The following PRKACB variants were observed in gnomAD, a reference collection of about 807,000 sequenced individuals.
PRKACB encodes the protein protein kinase cAMP-activated catalytic subunit beta.
Under a neutral mutation model 51.4 loss-of-function variants are expected in PRKACB, and 16 were observed. The observed-to-expected ratio is 0.31, with a 90% CI of 0.21 to 0.47. PRKACB has a LOEUF of 0.47. PRKACB is among the 20% of genes least tolerant of loss of function. The probability of loss-of-function intolerance (pLI) is 1.00; values close to 1 mark genes in which losing one functional copy is unlikely to be tolerated. For synonymous variants in PRKACB, 147 were observed against 154.4 expected, an observed-to-expected ratio of 0.95 and a Z score of 0.35; for missense variants, 309 against 464.5, an observed-to-expected ratio of 0.67 and a Z score of 3.08.
In PRKACB at chr1:84,214,222, A is replaced by C; in HGVS notation, c.976A>C (p.Thr326Pro). Residue 326 changes from threonine (T) to proline (P), a missense_variant, in exon 9 of 10, where the codon ACC becomes CCC. Around this residue, in one of 3 missense-constraint regions of PRKACB, gnomAD observed 96 missense variants for 129.9 expected, o/e 0.74. Transcript: ENST00000370685. ...LLRNLLQVDL[T>P]KRFGNLKNGV... The stretch of plus-strand genomic sequence containing the variant: ...ACGGAACCTGCTGCAGGTGGATTTG[A>C]CCAAGAGATTTGGAAATCTAAAGAA... The C allele has an allele frequency of 6.2e-7, 1 of 1,613,604 alleles. No individual in the cohort carries two copies. Among genetic ancestry groups the C allele is most frequent in the Non-Finnish European group, 8.5e-7 (1 of 1,179,762 alleles).
At chr1:84,115,079 A>T (rs1485284721) in intron 1 of PRKACB, among the ~76,000 whole-genome samples, 2 of 152,140 alleles carry the variant, frequency 1.3e-5, no homozygotes, top group Non-Finnish European at 2.9e-5. Context: ...ATCATATGAT[A>T]GTTCTGATTT....
At chr1:84,225,751 T>A (rs1415152813) in intron 9 of PRKACB, among the ~76,000 whole-genome samples, 4 of 151,934 alleles carry the variant, frequency 2.6e-5, no homozygotes, top group African/African-American at 9.7e-5. Context: ...ATTGCAAGAG[T>A]CTGTGGTGGA....
At chr1:84,167,005 A>G (rs866047056) in intron 1 of PRKACB, among the ~76,000 whole-genome samples, 11 of 151,716 alleles carry the variant, frequency 7.3e-5, no homozygotes, top group Middle Eastern at 3.4e-3. Context: ...CAGGAAGTGA[A>G]AACAGAAACC....
chr1:84,174,182 T>C (rs1018153935), intron 1 of PRKACB, among the ~76,000 whole-genome samples: 3 of 151,828 alleles, frequency 2.0e-5, no homozygotes, highest in African/African-American at 7.3e-5. Flanking sequence ...ATGTTTTACA[T>C]GTCCCCGATG....
At chr1:84,128,312 A>G (rs1651834041) in intron 1 of PRKACB, among the ~76,000 whole-genome samples, 1 of 152,126 alleles carries the variant, frequency 6.6e-6, no homozygotes, top group Non-Finnish European at 1.5e-5. Flanking sequence ...ACAGTATAGG[A>G]CACATAGAAC....
rs141524812 is a variant in PRKACB at position 84,090,420 on chromosome 1, GACA to G, written c.46+12053_46+12055del. Among the ~76,000 whole-genome samples the G allele has an allele frequency of 4.6e-3, 694 of 152,258 alleles. 5 individuals carry two copies. Among genetic ancestry groups the G allele is most frequent in the African/African-American group, 0.016 (663 of 41,512 alleles). On this transcript the variant is annotated intron_variant, in intron 1 of 8. Transcript: ENST00000370688. Reference sequence around the variant, plus strand: ...TCCTAAATTTAGCAGCTTAAAGAGTGACAACATTTATTTTACTTATGAAAGTAA... The same window carrying G: ...TCCTAAATTTAGCAGCTTAAAGAGTGACATTTATTTTACTTATGAAAGTAA...
At chr1:84,105,257 G>T (rs925860197) in intron 1 of PRKACB, among the ~76,000 whole-genome samples, 1 of 151,856 alleles carries the variant, frequency 6.6e-6, no homozygotes, top group Non-Finnish European at 1.5e-5. Context: ...ATACAACTGC[G>T]GTCACTCCTC....
intron 5 of PRKACB, among the ~76,000 whole-genome samples, chr1:84,195,615 T>C (rs1667985470): frequency 6.6e-6 from 1 of 152,082 alleles, no homozygotes; most frequent in Admixed American, 6.6e-5. Context: ...TAATCTAATA[T>C]ATACATAAAA....
At chr1:84,203,945 G>A (rs927459160) in intron 8 of PRKACB, among the ~76,000 whole-genome samples, 1 of 151,876 alleles carries the variant, frequency 6.6e-6, no homozygotes, top group African/African-American at 2.4e-5. Flanking sequence ...CTTACCCTTG[G>A]CATCTATCAA....
chr1:84,225,361 T>C (rs1485494689), intron 9 of PRKACB, among the ~76,000 whole-genome samples: 1 of 151,844 alleles, frequency 6.6e-6, no homozygotes, highest in East Asian at 1.9e-4. Flanking sequence ...CTCTGGGGAG[T>C]GTATGCTTTG....
At position 84,219,447 on chromosome 1, in the gene PRKACB, A is replaced by G. The variant is rs565351228; in HGVS notation, c.1071+5130A>G. Among the ~76,000 whole-genome samples the G allele has an allele frequency of 1.9e-4, 28 of 151,336 alleles. 1 individual carries two copies. In the South Asian group the frequency reaches 5.4e-3, roughly 29 times the overall value. ...ACCATGTTGGTCAGGCTGGTCTCGA[A>G]CTCCTGACCTGCCTCAGCCTCCCAA... On this transcript the variant is annotated intron_variant, in intron 9 of 9. Transcript: ENST00000370685.
intron 1 of PRKACB, among the ~76,000 whole-genome samples, chr1:84,082,590 T>G (rs985227454): frequency 1.3e-4 from 20 of 152,188 alleles, no homozygotes; most frequent in Non-Finnish European, 2.4e-4. Context: ...GTATTACCAT[T>G]TTAAAAGTAT....
chr1:84,117,105 C>T (rs1396928045), intron 1 of PRKACB, among the ~76,000 whole-genome samples: 1 of 151,606 alleles, frequency 6.6e-6, no homozygotes, highest in Non-Finnish European at 1.5e-5. Context: ...GTGGTGCATC[C>T]CATTTATTGA....
intron 9 of PRKACB, among the ~76,000 whole-genome samples, chr1:84,216,813 C>A (rs547806209): frequency 6.6e-6 from 1 of 152,258 alleles, no homozygotes; most frequent in South Asian, 2.1e-4. Context: ...ATCCCAGGTT[C>A]TTCAGATTCT....
intron 9 of PRKACB, among the ~76,000 whole-genome samples, chr1:84,234,482 C>T (rs1264596253): frequency 1.3e-5 from 2 of 152,140 alleles, no homozygotes; most frequent in African/African-American, 2.4e-5. Flanking sequence ...CCTAAGCAAG[C>T]CTGGGCAATG....
chr1:84,219,554 A>G (rs1389916429), intron 9 of PRKACB, among the ~76,000 whole-genome samples: 2 of 151,426 alleles, frequency 1.3e-5, no homozygotes, highest in Non-Finnish European at 2.9e-5. Context: ...CATTTCCCGT[A>G]TGTTTTCTTC....
chr1:84,229,593 G>T (rs1379859435), intron 9 of PRKACB, among the ~76,000 whole-genome samples: 1 of 151,346 alleles, frequency 6.6e-6, no homozygotes, highest in Non-Finnish European at 1.5e-5. Flanking sequence ...TCCAGCACCT[G>T]TTATTTCCTG....
intron 9 of PRKACB, among the ~76,000 whole-genome samples, chr1:84,230,087 C>T (rs368144664): frequency 9.2e-5 from 14 of 151,638 alleles, no homozygotes; most frequent in South Asian, 2.1e-4. Context: ...AAGTCTTTAA[C>T]CCATCTTGAA....
intron 1 of PRKACB, among the ~76,000 whole-genome samples, chr1:84,093,947 T>G (rs901419029): frequency 3.9e-5 from 6 of 152,020 alleles, no homozygotes; most frequent in Non-Finnish European, 8.8e-5. Flanking sequence ...TTAGAAATTT[T>G]ATGCTGACCT....
Sources: gnomAD v4.1 joint callset for allele counts (sites outside exome capture counted in the v4.1 genomes callset) on GRCh38, gnomAD v4.1.1 for gene constraint, gnomAD v4.1.1 regional missense constraint, MANE v1.5 for transcripts, NCBI Gene and HGNC (gene_info 2026-07-23, HGNC 2026-07-21) for gene names.